FAM167A: variants seen among roughly 807,000 people sequenced by gnomAD.
The protein encoded by FAM167A is family with sequence similarity 167 member A.
Under a neutral mutation model 14.9 loss-of-function variants are expected in FAM167A, and 23 were observed. The ratio of observed to expected loss-of-function variants is 1.55; its 90% CI spans 1.11 to 2.19. The LOEUF is 2.19. Among genes scored for constraint, FAM167A ranks in the 30% most tolerant of loss-of-function variants. The pLI, the probability that FAM167A is intolerant of heterozygous loss-of-function variation, is 0.00. For synonymous variants in FAM167A, 174 were observed against 117.7 expected (o/e 1.48, Z -3.10); for missense variants, 401 against 281.5 (o/e 1.42, Z -3.04).
intron 1 of FAM167A, among the ~76,000 whole-genome samples, chr8:11,462,761 A>C (rs1585281620): frequency 6.6e-6 from 1 of 151,418 alleles, no homozygotes; most frequent in African/African-American, 2.5e-5. Flanking sequence ...CCCCTACCCC[A>C]CTCGCAGCCA....
At chr8:11,473,783 C>T (rs774145042) in intron 1 of FAM167A, among the ~76,000 whole-genome samples, 4 of 152,182 alleles carry the variant, frequency 2.6e-5, no homozygotes, top group South Asian at 4.1e-4. Context: ...TTAGAATTAA[C>T]GCCTAGAAAA....
rs1275437856 is a variant in FAM167A at position 11,422,362 on chromosome 8, G to T, written c.*2011C>A. ...TTATGGCATGTTCTCTGTCGTGTGT[G>T]TGTGTGTGGGGGTGTGTGTGTGTGT... On this transcript the variant is annotated 3_prime_UTR_variant, in exon 3 of 3. Transcript: ENST00000284486. The T allele has an allele frequency of 8.6e-6, 1 of 115,850 alleles. No individual in the cohort carries two copies. Among genetic ancestry groups the T allele is most frequent in the Non-Finnish European group, 1.8e-5 (1 of 56,642 alleles). The allele number at this position is 115,850 out of a possible 1,614,324, so 7.2% of individuals were successfully genotyped here. A position where few individuals can be genotyped will look rare whatever the true frequency, so the allele number is the denominator to read the frequency against.
Position 11,426,317 on chromosome 8 carries a change from T to A in FAM167A, c.382-1681A>T, listed in dbSNP as rs540894887. On this transcript the variant is annotated intron_variant, in intron 2 of 2. Coordinates refer to ENST00000284486, the MANE Select transcript of FAM167A (RefSeq NM_053279.3). ...GTAACTCCTGTCTCTCTGAAATGTG[T>A]AAAACCAAACAGTAACTGGACCACC... Among the ~76,000 whole-genome samples the A allele has an allele frequency of 5.9e-5, 9 of 152,314 alleles. 1 individual carries two copies. In the South Asian group the frequency reaches 1.9e-3, roughly 32 times the overall value.
chr8:11,468,361 C>T (rs1286062756), upstream of FAM167A, among the ~76,000 whole-genome samples: 2 of 152,228 alleles, frequency 1.3e-5, no homozygotes, highest in East Asian at 1.9e-4. Flanking sequence ...CTGCTCCTCC[C>T]GACAGGCTGC....
chr8:11,426,176 C>A (rs1805129732), intron 2 of FAM167A, among the ~76,000 whole-genome samples: 1 of 152,174 alleles, frequency 6.6e-6, no homozygotes, highest in African/African-American at 2.4e-5. Flanking sequence ...ATAAAAATAT[C>A]TTTGAATCTA....
chr8:11,461,743 T>A lies in FAM167A; in HGVS notation c.-398+4883A>T, dbSNP rs145868153. Among the ~76,000 whole-genome samples the A allele has an allele frequency of 9.1e-4, 138 of 152,284 alleles. 1 individual carries two copies. The highest frequency in any genetic ancestry group is 3.1e-3 in the African/African-American group (129 of 41,560). ...AGGATAATTGGCTCCAAGTTGAAAA[T>A]AGGCAGAATCAACAAACGCCAGCTC... On this transcript the variant is annotated intron_variant, in intron 1 of 2. Transcript: ENST00000284486.
chr8:11,475,872 G>A (rs1797859914), exon 1 of FAM167A, among the ~76,000 whole-genome samples: 1 of 152,100 alleles, frequency 6.6e-6, no homozygotes, highest in South Asian at 2.1e-4. Context: ...TCACCCCTGT[G>A]GACGCAGACC....
At chr8:11,438,671 G>GTTCT in intron 2 of FAM167A, 1 of 381,654 alleles carries the variant, frequency 2.6e-6, no homozygotes, top group Non-Finnish European at 5.1e-6. Context: ...TCCTTTCCTG[G>GTTCT]TTCTTTTGTT....
intron 2 of FAM167A, among the ~76,000 whole-genome samples, chr8:11,436,436 G>A (rs144148869): frequency 3.5e-4 from 54 of 152,274 alleles, no homozygotes; most frequent in African/African-American, 1.2e-3. Context: ...CTGGGCCCCC[G>A]GCAAGACCTG....
upstream of FAM167A, among the ~76,000 whole-genome samples, chr8:11,470,305 G>A (rs1585289217): frequency 2.0e-5 from 3 of 152,270 alleles, no homozygotes; most frequent in East Asian, 5.8e-4. Flanking sequence ...GGGGTCTTGT[G>A]GTGTCTTGGG....
upstream of FAM167A, among the ~76,000 whole-genome samples, chr8:11,468,776 G>A (rs531687710): frequency 6.6e-6 from 1 of 152,336 alleles, no homozygotes; most frequent in South Asian, 2.1e-4. Context: ...CTATTTCTGG[G>A]AGTGCAGATG....
chr8:11,444,541 G>A lies in FAM167A; in HGVS notation c.-130C>T. ...GTGCCCGAGGGCATTTCCGGGACAG[G>A]AGCCGGCCTCAGAGGCTGGGTGGCA... On this transcript the variant is annotated 5_prime_UTR_variant, in exon 2 of 3. Coordinates refer to ENST00000284486, the MANE Select transcript of FAM167A (RefSeq NM_053279.3). The A allele has an allele frequency of 1.4e-6, 2 of 1,472,604 alleles. No individual in the cohort carries two copies. The highest frequency in any genetic ancestry group is 1.8e-6 in the Non-Finnish European group (2 of 1,119,718). 91.2% of individuals were successfully genotyped at this position (1,472,604 alleles called of 1,614,324 possible). A position where few individuals can be genotyped will look rare whatever the true frequency, so the allele number is the denominator to read the frequency against.
Position 11,421,746 on chromosome 8 carries a change from T to C in FAM167A, c.*2627A>G, listed in dbSNP as rs188664822. The C allele has an allele frequency of 4.0e-4, 158 of 398,998 alleles. No homozygotes were observed. The highest frequency in any genetic ancestry group is 1.8e-3 in the Admixed American group (42 of 22,726). The allele number at this position is 398,998 out of a possible 1,614,324, so 24.7% of individuals were successfully genotyped here. On this transcript the variant is annotated 3_prime_UTR_variant, in exon 3 of 3. Transcript: ENST00000284486. Reference sequence around the variant, plus strand: ...CAGTGTCGGTGGAGAGTTTGCGTTTTACACCCAGCGATGCTTGGGGATGGC... The same window carrying C: ...CAGTGTCGGTGGAGAGTTTGCGTTTCACACCCAGCGATGCTTGGGGATGGC...
At chr8:11,461,760 C>T (rs1807548579) in intron 1 of FAM167A, among the ~76,000 whole-genome samples, 1 of 152,232 alleles carries the variant, frequency 6.6e-6, no homozygotes, top group Non-Finnish European at 1.5e-5. Flanking sequence ...AATCAACAAA[C>T]GCCAGCTCAA....
chr8:11,455,535 G>A (rs1184618988), intron 1 of FAM167A, among the ~76,000 whole-genome samples: 3 of 144,724 alleles, frequency 2.1e-5, no homozygotes, highest in African/African-American at 7.8e-5. Context: ...GCCCTGCTGG[G>A]TGTGTGAGTC....
At chr8:11,454,627 C>G (rs1197335042) in intron 1 of FAM167A, among the ~76,000 whole-genome samples, 1 of 152,210 alleles carries the variant, frequency 6.6e-6, no homozygotes, top group African/African-American at 2.4e-5. Flanking sequence ...AAAGCTCATG[C>G]CTGCATCTTT....
chr8:11,466,398 C>G (rs1807769287), intron 1 of FAM167A, among the ~76,000 whole-genome samples: 1 of 152,236 alleles, frequency 6.6e-6, no homozygotes, highest in Admixed American at 6.5e-5. Context: ...CCAGCCCTGG[C>G]TGCCCGGCTC....
intron 1 of FAM167A, among the ~76,000 whole-genome samples, chr8:11,451,830 C>T (rs1807038860): frequency 6.6e-6 from 1 of 152,310 alleles, no homozygotes; most frequent in Admixed American, 6.5e-5. Flanking sequence ...AGGACTGGCC[C>T]GGGATCTCCT....
chr8:11,435,994 G>T (rs1236055509), intron 2 of FAM167A, among the ~76,000 whole-genome samples: 3 of 152,184 alleles, frequency 2.0e-5, no homozygotes, highest in Admixed American at 2.0e-4. Flanking sequence ...GCTCCTGGGT[G>T]CCGGGTCCCT....
Sources: gnomAD v4.1 joint callset for allele counts (sites outside exome capture counted in the v4.1 genomes callset) on GRCh38, gnomAD v4.1.1 for gene constraint, MANE v1.5 for transcripts, NCBI Gene and HGNC (gene_info 2026-07-23, HGNC 2026-07-21) for gene names.